Variants in NKAIN3 observed in about 807,000 individuals in gnomAD.
NKAIN3 encodes the protein sodium/potassium transporting ATPase interacting 3, also known as sodium/potassium-transporting ATPase subunit beta-1-interacting protein 3.
A neutral mutation model predicts 30.2 loss-of-function variants in NKAIN3; 25 were observed. The ratio of observed to expected loss-of-function variants is 0.83; its 90% CI spans 0.60 to 1.16. The LOEUF (loss-of-function observed/expected upper bound fraction) is 1.16, where lower values mean the gene tolerates loss of function less well. Among genes scored for constraint, NKAIN3 ranks in the 50% most tolerant of loss-of-function variants. The pLI is 0.00. For missense variants in NKAIN3, 225 were observed against 254.1 expected, an observed-to-expected ratio of 0.89 and a Z score of 0.78; for synonymous variants, 91 against 89.6, an observed-to-expected ratio of 1.02 and a Z score of -0.09.
At position 62,494,664 on chromosome 8, in the gene NKAIN3, G is replaced by A. The variant is rs148566856; in HGVS notation, c.55-84875G>A. Among the ~76,000 whole-genome samples, 204 of 151,976 alleles carry A rather than the reference G, an allele frequency of 1.3e-3. 1 individual carries two copies. Among genetic ancestry groups the A allele is most frequent in the African/African-American group, 4.8e-3 (199 of 41,482 alleles). The stretch of plus-strand genomic sequence containing the variant: ...TCTGGGCCTGGGCTTTTTTTGATTG[G>A]TGTTTGTTACTGATTCAATTTTGGA... On this transcript the variant is annotated intron_variant, in intron 1 of 6. Coordinates refer to ENST00000623646, the MANE Select transcript of NKAIN3 (RefSeq NM_001304533.3).
At chr8:62,384,448 T>A (rs1258454281) in intron 1 of NKAIN3, among the ~76,000 whole-genome samples, 1 of 152,202 alleles carries the variant, frequency 6.6e-6, no homozygotes. Context: ...ATAATAGTAA[T>A]AGACAAATAT....
intron 1 of NKAIN3, among the ~76,000 whole-genome samples, chr8:62,346,595 G>T (rs969741736): frequency 6.6e-5 from 10 of 152,124 alleles, no homozygotes; most frequent in African/African-American, 2.2e-4. Flanking sequence ...GGGCTGACTG[G>T]CCCTCCTATA....
intron 4 of NKAIN3, among the ~76,000 whole-genome samples, chr8:62,907,867 G>A (rs1053537443): frequency 2.0e-5 from 3 of 152,242 alleles, no homozygotes; most frequent in African/African-American, 7.2e-5. Context: ...CAAGGGAAAT[G>A]TGCAGTGGGA....
At chr8:62,756,457 C>T (rs1338086558) in intron 4 of NKAIN3, among the ~76,000 whole-genome samples, 1 of 151,994 alleles carries the variant, frequency 6.6e-6, no homozygotes, top group African/African-American at 2.4e-5. Flanking sequence ...AATATCTCTG[C>T]CTGTTACAGA....
At chr8:62,657,666 A>C (rs1179507518) in intron 3 of NKAIN3, among the ~76,000 whole-genome samples, 5 of 152,196 alleles carry the variant, frequency 3.3e-5, no homozygotes, top group African/African-American at 1.2e-4. Context: ...TCACGCATGC[A>C]GTGAGCTCTG....
intron 3 of NKAIN3, among the ~76,000 whole-genome samples, chr8:62,709,358 C>T (rs1367413010): frequency 6.6e-6 from 1 of 151,868 alleles, no homozygotes; most frequent in South Asian, 2.1e-4. Context: ...CCTGGACTTT[C>T]CTTTGCTGGT....
chr8:62,878,424 T>A (rs1820865393), intron 4 of NKAIN3, among the ~76,000 whole-genome samples: 1 of 152,264 alleles, frequency 6.6e-6, no homozygotes, highest in African/African-American at 2.4e-5. Context: ...CATTAATCAC[T>A]GAAGCACCTC....
intron 3 of NKAIN3, among the ~76,000 whole-genome samples, chr8:62,650,023 GC>G (rs1341861366): frequency 6.6e-6 from 1 of 151,988 alleles, no homozygotes; most frequent in African/African-American, 2.4e-5. Flanking sequence ...GCAAGGATCA[GC>G]CCACAAGAAT....
intron 1 of NKAIN3, among the ~76,000 whole-genome samples, chr8:62,571,818 A>G (rs1454472450): frequency 3.9e-5 from 6 of 152,028 alleles, no homozygotes; most frequent in Non-Finnish European, 8.8e-5. Flanking sequence ...CTTACACCAT[A>G]GCTGAAACAT....
chr8:62,763,217 G>A (rs1209375496), intron 4 of NKAIN3, among the ~76,000 whole-genome samples: 16 of 65,732 alleles, frequency 2.4e-4, no homozygotes, highest in Middle Eastern at 0.018. Context: ...GCGAGACTCC[G>A]TCTCAAAAAA....
intron 1 of NKAIN3, among the ~76,000 whole-genome samples, chr8:62,430,873 A>G (rs1422361442): frequency 6.6e-6 from 1 of 151,856 alleles, no homozygotes; most frequent in Non-Finnish European, 1.5e-5. Context: ...GGAAAGCATC[A>G]TAAAAATGGA....
chr8:62,877,135 G>C (rs1240926525), intron 4 of NKAIN3, among the ~76,000 whole-genome samples: 1 of 152,148 alleles, frequency 6.6e-6, no homozygotes, highest in Non-Finnish European at 1.5e-5. Context: ...AGCTCCCACA[G>C]TGTTGCACAT....
At chr8:62,458,468 G>C (rs1191026940) in intron 1 of NKAIN3, among the ~76,000 whole-genome samples, 1 of 152,178 alleles carries the variant, frequency 6.6e-6, no homozygotes, top group African/African-American at 2.4e-5. Flanking sequence ...CCAACCCTAT[G>C]ACAACAGTGA....
downstream of NKAIN3, among the ~76,000 whole-genome samples, chr8:62,988,653 G>A (rs1824254740): frequency 6.6e-6 from 1 of 152,246 alleles, no homozygotes; most frequent in Non-Finnish European, 1.5e-5. Flanking sequence ...GTGGGCTTTG[G>A]GCCCAGCCCA....
At chr8:62,613,860 A>C (rs1045309309) in intron 3 of NKAIN3, among the ~76,000 whole-genome samples, 3 of 152,022 alleles carry the variant, frequency 2.0e-5, no homozygotes, top group African/African-American at 4.8e-5. Flanking sequence ...TTTCTGCTTT[A>C]TTCTTTTTAA....
chr8:62,300,911 A>T (rs1489091411), intron 1 of NKAIN3, among the ~76,000 whole-genome samples: 1 of 152,110 alleles, frequency 6.6e-6, no homozygotes, highest in Admixed American at 6.6e-5. Flanking sequence ...ATCATTACGA[A>T]GTACAAATTA....
In NKAIN3 at chr8:62,524,312, A is replaced by G. The variant is rs72651543; in HGVS notation, c.55-55227A>G. On this transcript the variant is annotated intron_variant, in intron 1 of 6. Transcript: ENST00000623646. ...TGTTTTTAAGAATAACAAACAGGCT[A>G]TATCTCTGATTTGTCTAAAGATTCA... Among the ~76,000 whole-genome samples, 543 of 152,202 alleles carry G rather than the reference A, an allele frequency of 3.6e-3. 6 individuals are homozygous for G. The highest frequency in any genetic ancestry group is 4.0e-3 in the Non-Finnish European group (269 of 67,998).
At chr8:62,804,132 AC>A in intron 4 of NKAIN3, among the ~76,000 whole-genome samples, 1 of 152,332 alleles carries the variant, frequency 6.6e-6, no homozygotes, top group Middle Eastern at 3.4e-3. Context: ...TAGCTTACCA[AC>A]CAAAAAGAGT....
chr8:62,460,431 A>G (rs1447739327), intron 1 of NKAIN3, among the ~76,000 whole-genome samples: 4 of 151,738 alleles, frequency 2.6e-5, no homozygotes, highest in Admixed American at 1.3e-4. Context: ...AAAAAAAGAA[A>G]GAAAACTGGC....
Sources: gnomAD v4.1 joint callset for allele counts (sites outside exome capture counted in the v4.1 genomes callset) on GRCh38, gnomAD v4.1.1 for gene constraint, MANE v1.5 for transcripts, NCBI Gene and HGNC (gene_info 2026-07-23, HGNC 2026-07-21) for gene names.